Variants in AOPEP observed in about 807,000 individuals in gnomAD.
AOPEP encodes aminopeptidase O (putative), also known as aminopeptidase O.
Under a neutral mutation model 98.1 loss-of-function variants are expected in AOPEP, and 77 were observed. The observed-to-expected ratio is 0.78, with a 90% CI of 0.65 to 0.95. AOPEP has a LOEUF of 0.95. AOPEP is among the 40% of genes least tolerant of loss of function. The probability of loss-of-function intolerance (pLI) is 0.00; values close to 1 mark genes in which losing one functional copy is unlikely to be tolerated. For synonymous variants in AOPEP, 346 were observed against 365.3 expected, an observed-to-expected ratio of 0.95 and a Z score of 0.60; for missense variants, 1,024 against 1,024.7, an observed-to-expected ratio of 1.00 and a Z score of 0.01.
chr9:95,073,944 G>A (rs1368613176), intron 14 of AOPEP, among the ~76,000 whole-genome samples: 4 of 152,342 alleles, frequency 2.6e-5, no homozygotes, highest in Non-Finnish European at 5.9e-5. Flanking sequence ...TGATTTCAGT[G>A]TGTGTCTATA....
At chr9:94,811,907 C>T (rs1850691598) in intron 5 of AOPEP, among the ~76,000 whole-genome samples, 1 of 152,190 alleles carries the variant, frequency 6.6e-6, no homozygotes, top group Non-Finnish European at 1.5e-5. Context: ...CTTGTGCTGG[C>T]AAGTTGGGGT....
the AOPEP span, chr9:95,101,550 T>C: frequency 2.3e-5 from 20 of 878,606 alleles, no homozygotes; most frequent in East Asian, 5.3e-5. Context: ...TTTTGTAAAA[T>C]AGATACTAGC....
intron 5 of AOPEP, among the ~76,000 whole-genome samples, chr9:94,892,492 A>T (rs1386335538): frequency 6.6e-6 from 1 of 152,242 alleles, no homozygotes; most frequent in Admixed American, 6.5e-5. Flanking sequence ...AGGCCCAGAA[A>T]GGGGCAGATT....
intron 5 of AOPEP, among the ~76,000 whole-genome samples, chr9:94,903,554 T>C (rs902445479): frequency 6.7e-6 from 1 of 149,568 alleles, no homozygotes; most frequent in Admixed American, 6.8e-5. Flanking sequence ...ATTGGGAGGC[T>C]GAGGTGGGAA....
At chr9:94,843,327 A>G (rs192468293) in intron 5 of AOPEP, among the ~76,000 whole-genome samples, 32 of 152,304 alleles carry the variant, frequency 2.1e-4, no homozygotes, top group Non-Finnish European at 4.4e-4. Context: ...CACTTCAGGA[A>G]TGTCATGCTT....
intron 14 of AOPEP, among the ~76,000 whole-genome samples, chr9:95,062,653 G>A (rs2067429165): frequency 6.6e-6 from 1 of 152,198 alleles, no homozygotes; most frequent in South Asian, 2.1e-4. Context: ...TCTATGTGTG[G>A]TGCTTCTGTG....
chr9:94,787,601 C>T (rs1053949312), intron 3 of AOPEP, among the ~76,000 whole-genome samples: 3 of 152,114 alleles, frequency 2.0e-5, no homozygotes, highest in African/African-American at 7.2e-5. Flanking sequence ...TAGGCTAGTG[C>T]CTGCTCCTTA....
At chr9:94,992,286 T>C (rs1249767569) in intron 11 of AOPEP, among the ~76,000 whole-genome samples, 1 of 152,184 alleles carries the variant, frequency 6.6e-6, no homozygotes, top group African/African-American at 2.4e-5. Flanking sequence ...CACTGGTGCT[T>C]GGTAAGGAGT....
the AOPEP span, chr9:95,101,231 T>TTAAAA: frequency 3.8e-6 from 1 of 260,446 alleles, no homozygotes; most frequent in Admixed American, 4.7e-5. Context: ...AATTTCTCCA[T>TTAAAA]ACAGCAAGAC....
chr9:94,995,428 A>G (rs1351428716), intron 11 of AOPEP, among the ~76,000 whole-genome samples: 1 of 152,052 alleles, frequency 6.6e-6, no homozygotes, highest in Non-Finnish European at 1.5e-5. Context: ...TGCACGTCCA[A>G]GGCCACAGAG....
At chr9:94,928,310 TGA>T in intron 6 of AOPEP, 113 bp from the exon 7 acceptor site, 1 of 729,118 alleles carries the variant, frequency 1.4e-6, no homozygotes, top group Non-Finnish European at 2.2e-6. Flanking sequence ...GGAAGCAAGG[TGA>T]GAGCAGGGGC....
At chr9:95,016,400 C>T (rs536832766) in intron 13 of AOPEP, among the ~76,000 whole-genome samples, 14 of 150,866 alleles carry the variant, frequency 9.3e-5, no homozygotes, top group South Asian at 8.4e-4. Flanking sequence ...CCCACCACCA[C>T]GCCTGGCTAA....
chr9:94,761,250 A>G (rs1838222108), intron 2 of AOPEP, among the ~76,000 whole-genome samples: 1 of 152,234 alleles, frequency 6.6e-6, no homozygotes, highest in Admixed American at 6.5e-5. Flanking sequence ...GAAGGAATTG[A>G]TGGAGGTGTC....
At chr9:94,997,750 G>C (rs1015755074) in intron 11 of AOPEP, among the ~76,000 whole-genome samples, 1 of 152,162 alleles carries the variant, frequency 6.6e-6, no homozygotes, top group African/African-American at 2.4e-5. Flanking sequence ...CTGGAGTGCG[G>C]TGGCACAACA....
At chr9:94,872,865 C>T (rs1174900442) in intron 5 of AOPEP, among the ~76,000 whole-genome samples, 9 of 152,124 alleles carry the variant, frequency 5.9e-5, no homozygotes, top group Admixed American at 3.9e-4. Flanking sequence ...CACTGGAAGT[C>T]GGGGCAGTCA....
At chr9:94,726,978 T>C (rs1363857107) in intron 1 of AOPEP, among the ~76,000 whole-genome samples, 1 of 152,172 alleles carries the variant, frequency 6.6e-6, no homozygotes, top group Non-Finnish European at 1.5e-5. Flanking sequence ...ACCTCAGCTG[T>C]AGAGGTGGCC....
chr9:95,005,506 C>A (rs1338584913), intron 12 of AOPEP, 36 bp from the exon 13 acceptor site: 3 of 1,587,324 alleles, frequency 1.9e-6, no homozygotes, highest in Non-Finnish European at 2.6e-6. Context: ...AGGACCCTGT[C>A]GCCTTCTTTG....
Position 95,016,496 on chromosome 9 carries a change from G to A in AOPEP, c.2115+10880G>A, listed in dbSNP as rs558085223. ...GACCTCAGGTAATCTACCCACTTTG[G>A]CCTCCCAAAGTGCTGGGATTACAGG... On this transcript the variant is annotated intron_variant, in intron 13 of 16. Transcript: ENST00000375315. Among the ~76,000 whole-genome samples the A allele has an allele frequency of 5.3e-5, 8 of 151,984 alleles. No individual in the cohort carries two copies. The South Asian group carries it at 1.7e-3, about 32-fold the overall frequency.
At chr9:95,135,600 A>ATT in the AOPEP span, 4 of 995,576 alleles carry the variant, frequency 4.0e-6, no homozygotes, top group Non-Finnish European at 6.2e-6. Context: ...CCAATTTGTG[A>ATT]GACTTCTCAT....
Sources: allele counts gnomAD v4.1 joint callset (sites outside exome capture counted in the v4.1 genomes callset), GRCh38; gene constraint gnomAD v4.1.1; transcripts MANE v1.5; gene names NCBI Gene and HGNC (gene_info 2026-07-23, HGNC 2026-07-21).